The following TMEM176B variants were observed in gnomAD, a reference collection of about 807,000 sequenced individuals.
TMEM176B encodes LR8-like protein.
Under a neutral mutation model 30.3 loss-of-function variants are expected in TMEM176B, and 28 were observed. That is an observed-to-expected ratio of 0.92 (90% confidence interval 0.68 to 1.27). The LOEUF (loss-of-function observed/expected upper bound fraction) is 1.27. Ranked by LOEUF, TMEM176B falls within the 50% of genes most tolerant of loss-of-function variation. TMEM176B has a pLI of 0.00. For missense variants in TMEM176B, 349 were observed against 327.4 expected, an observed-to-expected ratio of 1.07 and a Z score of -0.51; for synonymous variants, 123 against 130.3, an observed-to-expected ratio of 0.94 and a Z score of 0.38.
chr7:150,796,727 G>A (rs968560033), intron 1 of TMEM176B, 153 bp from the exon 2 acceptor site: 1 of 736,662 alleles, frequency 1.4e-6, no homozygotes, highest in Non-Finnish European at 2.2e-6. Flanking sequence ...GGGAGGCTGA[G>A]GTGGGTGGAT....
At position 150,791,604 on chromosome 7, in the gene TMEM176B, T is replaced by C; in HGVS notation, c.740A>G (p.Lys247Arg). The C allele has an allele frequency of 6.2e-7, 1 of 1,613,870 alleles. No individual in the cohort carries two copies. Residue 247 changes from lysine to arginine, a missense_variant, in exon 7 of 7, where the codon AAG becomes AGG. Physicochemically the swap from Lys to Arg is conservative, Grantham distance 26. Coordinates refer to ENST00000326442, the MANE Select transcript of TMEM176B (RefSeq NM_001101312.2). ...CACTGAATTCTCCCCCAGTAGCCTC[T>C]TCTCTGATCCTTCCTCATTCTGGAA... ...SQPLNEEGSE[K>R]RLLGENSVPP...
rs1370006622 is a variant in TMEM176B at position 150,793,183 on chromosome 7, G to A, written c.505C>T (p.Pro169Ser). Residue 169 changes from proline (P) to serine (S), a missense_variant, in exon 5 of 7, where the codon CCT becomes TCT. Pro to Ser is a moderately conservative substitution (Grantham distance 74). Transcript: ENST00000326442. ...YIDTVCDRSDPVFPTTGYRWM... is the reference protein window; with the variant it reads ...YIDTVCDRSDSVFPTTGYRWM... ...CTGTACCCAGTGGTAGGGAAGACAG[G>A]GTCTGAGCGATCACACACAGTGTCG... is the stretch of plus-strand genomic sequence containing the variant. 6.2e-7 allele frequency: 1 copy of A among 1,614,184 alleles called. No individual in the cohort carries two copies.
In TMEM176B at chr7:150,796,318, C is replaced by G. The variant is rs372540689; in HGVS notation, c.204+48G>C. On this transcript the variant is annotated intron_variant, in intron 2 of 6. Transcript: ENST00000326442. ...TTTGGCTCTATATTTTAATTGACCT[C>G]ATCACCTCGTTAACGTGCCCCCCAA... is the stretch of plus-strand genomic sequence containing the variant. 4.4e-5 allele frequency: 69 copies of G among 1,556,968 alleles called. No individual in the cohort carries two copies. In the South Asian group the frequency reaches 7.6e-4, roughly 17 times the overall value.
chr7:150,798,349 T>C (rs1181963167), intron 1 of TMEM176B, among the ~76,000 whole-genome samples: 1 of 152,204 alleles, frequency 6.6e-6, no homozygotes, highest in Non-Finnish European at 1.5e-5. Context: ...TGGCGCGATC[T>C]CGGCTCACTG....
rs986769042 is a variant in TMEM176B, at chr7:150,794,190, C to T, written c.205-119G>A. On this transcript the variant is annotated intron_variant, in intron 2 of 6. Coordinates refer to ENST00000326442, the MANE Select transcript of TMEM176B (RefSeq NM_001101312.2). ...CTCCTCTCCTTTTCCTCTGCCTTGACCTCTCTGCAGCTCTGATTCTGGAAG... is the reference window on the plus strand; with the variant it reads ...CTCCTCTCCTTTTCCTCTGCCTTGATCTCTCTGCAGCTCTGATTCTGGAAG... The T allele has an allele frequency of 6.0e-6, 4 of 667,694 alleles. No homozygotes were observed. The Admixed American group carries it at 8.5e-5, about 14-fold the overall frequency. 41.4% of individuals were successfully genotyped at this position (667,694 alleles called of 1,614,324 possible). A position where few individuals can be genotyped will look rare whatever the true frequency, so the allele number is the denominator to read the frequency against.
intron 3 of TMEM176B, 53 bp from the exon 4 acceptor site, chr7:150,793,653 A>C: frequency 6.3e-7 from 1 of 1,583,740 alleles, no homozygotes; most frequent in Non-Finnish European, 8.6e-7. Flanking sequence ...GAATTGGTCT[A>C]TCATCACCCT....
At chr7:150,794,092 C>A (rs1340281945) in intron 2 of TMEM176B, 21 bp from the exon 3 acceptor site, 1 of 1,598,576 alleles carries the variant, frequency 6.3e-7, no homozygotes, top group Non-Finnish European at 8.5e-7. Context: ...GGATGAGAAA[C>A]CAGACCCCTT....
At chr7:150,800,016 C>A (rs879615263) in intron 1 of TMEM176B, 3 of 152,320 alleles carry the variant, frequency 2.0e-5, no homozygotes, top group Non-Finnish European at 4.4e-5. Context: ...CCAGGAGCCA[C>A]CCCACCGTAG....
chr7:150,793,105 A>T lies in TMEM176B; in HGVS notation c.583T>A (p.Tyr195Asn). The T allele has an allele frequency of 6.2e-7, 1 of 1,613,608 alleles. No individual in the cohort carries two copies. The highest frequency in any genetic ancestry group is 8.5e-7 in the Non-Finnish European group (1 of 1,179,876). ...NQWQKEECRA[Y>N]MQMLRKLFTA... ...CTGCTCACCCTCAGCATCTGCATGT[A>T]AGCTCTACACTCCTCCTTCTGCCAT... Residue 195 changes from tyrosine to asparagine, a missense_variant, in exon 5 of 7, where the codon TAC (tyrosine) becomes AAC (asparagine). By Grantham distance (143) the Tyr-to-Asn change is moderately radical. Transcript: ENST00000326442.
intron 2 of TMEM176B, among the ~76,000 whole-genome samples, chr7:150,795,605 A>G (rs535964688): frequency 6.6e-6 from 1 of 152,278 alleles, no homozygotes; most frequent in South Asian, 2.1e-4. Context: ...TGCTGAACAC[A>G]TTGCCTTGCA....
intron 6 of TMEM176B, 52 bp downstream of exon 6, chr7:150,792,004 A>G: frequency 6.2e-6 from 10 of 1,609,970 alleles, no homozygotes; most frequent in Non-Finnish European, 8.5e-6. Flanking sequence ...CCTGTCCCAC[A>G]CACTCACCAC....
At chr7:150,798,279 T>C (rs1028716246) in intron 1 of TMEM176B, among the ~76,000 whole-genome samples, 1 of 152,190 alleles carries the variant, frequency 6.6e-6, no homozygotes, top group Non-Finnish European at 1.5e-5. Flanking sequence ...TTTTTTATTA[T>C]GTATTTATTT....
Position 150,796,530 on chromosome 7 carries a change from C to T in TMEM176B, c.40G>A (p.Ala14Thr), listed in dbSNP as rs1798534045. The change falls in exon 2 of 7, where the codon GCC becomes ACC. Residue 14 changes from alanine to threonine, a missense_variant. Physicochemically the swap from Ala to Thr is moderately conservative, Grantham distance 58 (BLOSUM62 0). Coordinates refer to ENST00000326442, the MANE Select transcript of TMEM176B (RefSeq NM_001101312.2). Reference protein sequence around the residue: ...NTVIVNGVAMASRPSQPTHVN... With the variant: ...NTVIVNGVAMTSRPSQPTHVN... ...TGGGTGGGCTGGGATGGCCTAGAGG[C>T]CATAGCAACTCCATTCACAATCACC... is the stretch of plus-strand genomic sequence containing the variant. 4.3e-6 allele frequency: 7 copies of T among 1,614,182 alleles called. No individual in the cohort carries two copies. The highest frequency in any genetic ancestry group is 4.5e-5 in the East Asian group (2 of 44,886).
chr7:150,796,666 G>T, intron 1 of TMEM176B, 92 bp from the exon 2 acceptor site: 1 of 1,294,006 alleles, frequency 7.7e-7, no homozygotes, highest in Non-Finnish European at 1.1e-6. Flanking sequence ...TAGTGTCTTT[G>T]TCAAGATCCC....
chr7:150,791,977 CT>C, intron 6 of TMEM176B, 78 bp downstream of exon 6: 1 of 1,593,066 alleles, frequency 6.3e-7, no homozygotes, highest in Non-Finnish European at 8.6e-7. Flanking sequence ...TCGGGTGCCC[CT>C]GGCCCCGCAC....
At position 150,796,462 on chromosome 7, in the gene TMEM176B, C is replaced by A. The variant is rs984808914; in HGVS notation, c.108G>T (p.Leu36=). 6.2e-7 allele frequency: 1 copy of A among 1,614,050 alleles called. No individual in the cohort carries two copies. Among genetic ancestry groups the A allele is most frequent in the Non-Finnish European group, 8.5e-7 (1 of 1,180,038 alleles). The part of the protein sequence containing the change: ...HIHQESALTQ[L]LKAGGSLKKF... ...TCTTCAGAGAACCTCCAGCTTTCAG[C>A]AGTTGTGTCAAAGCTGACTCCTGGT... Residue 36 remains leucine, a synonymous_variant, in exon 2 of 7, where the codon CTG becomes CTT. Transcript: ENST00000326442.
At chr7:150,796,816 C>A (rs575418013) in intron 1 of TMEM176B, 1 of 466,450 alleles carries the variant, frequency 2.1e-6, no homozygotes, top group South Asian at 2.1e-5. Context: ...AAAATCCGCA[C>A]GGTGGTGTGC....
intron 6 of TMEM176B, 91 bp downstream of exon 6, chr7:150,791,965 G>T: frequency 1.3e-6 from 2 of 1,570,900 alleles, no homozygotes; most frequent in Non-Finnish European, 1.7e-6. Context: ...CCAGCCTCAG[G>T]TTCGGGTGCC....
In TMEM176B at chr7:150,791,384, T is replaced by G; in HGVS notation, c.*147A>C. 1.7e-6 allele frequency: 1 copy of G among 582,614 alleles called. No individual in the cohort carries two copies. The highest frequency in any genetic ancestry group is 2.4e-5 in the South Asian group (1 of 41,550). 36.1% of individuals were successfully genotyped at this position (582,614 alleles called of 1,614,324 possible). A position where few individuals can be genotyped will look rare whatever the true frequency, so the allele number is the denominator to read the frequency against. ...GTTCATGGACTTGAGAACCCCAGAGTGGGAACAGCAGGTGCGGATGTGGGG... is the reference window on the plus strand; with the variant it reads ...GTTCATGGACTTGAGAACCCCAGAGGGGGAACAGCAGGTGCGGATGTGGGG... On this transcript the variant is annotated 3_prime_UTR_variant, in exon 7 of 7. Coordinates refer to ENST00000326442, the MANE Select transcript of TMEM176B (RefSeq NM_001101312.2).
Sources: gnomAD v4.1 joint callset for allele counts (sites outside exome capture counted in the v4.1 genomes callset) on GRCh38, gnomAD v4.1.1 for gene constraint, MANE v1.5 for transcripts, NCBI Gene and HGNC (gene_info 2026-07-23, HGNC 2026-07-21) for gene names.